Variants in RASAL3 observed in about 807,000 individuals in gnomAD.
The protein encoded by RASAL3 is RAS protein activator like 3.
RASAL3 carries 74 observed loss-of-function variants against 105.5 expected under a neutral mutation model. That is an observed-to-expected ratio of 0.70 (90% CI 0.58 to 0.85). The LOEUF is 0.85. Among genes scored for constraint, RASAL3 ranks in the 40% least tolerant of loss-of-function variants. RASAL3 has a pLI of 0.00. For missense variants in RASAL3, 1,352 were observed against 1,392.0 expected, an observed-to-expected ratio of 0.97 and a Z score of 0.46; for synonymous variants, 579 against 591.6, an observed-to-expected ratio of 0.98 and a Z score of 0.31.
chr19:15,454,581 G>C lies in RASAL3; in HGVS notation c.1959-19C>G. On this transcript the variant is annotated intron_variant, in intron 12 of 17. Coordinates refer to ENST00000343625, the MANE Select transcript of RASAL3 (RefSeq NM_022904.3). ...ACCGAACCTGGATCAGGGCCAGGCT[G>C]GGTGGGTCAGGTCAGGCACCTGCCA... is the stretch of plus-strand genomic sequence containing the variant. 1 of 1,613,580 alleles carries C rather than the reference G, an allele frequency of 6.2e-7. No individual in the cohort carries two copies. Among genetic ancestry groups the C allele is most frequent in the Non-Finnish European group, 8.5e-7 (1 of 1,179,604 alleles).
intron 11 of RASAL3, among the ~76,000 whole-genome samples, chr19:15,455,755 G>T (rs1002239760): frequency 6.6e-6 from 1 of 152,196 alleles, no homozygotes; most frequent in Non-Finnish European, 1.5e-5. Flanking sequence ...TGAATCCTGC[G>T]CTCAAGCGAT....
chr19:15,452,624 T>A, intron 16 of RASAL3, 34 bp downstream of exon 16: 1 of 1,400,662 alleles, frequency 7.1e-7, no homozygotes, highest in Non-Finnish European at 9.4e-7. Flanking sequence ...CGGGCCCACC[T>A]GGGGGCGGAG....
At position 15,453,425 on chromosome 19, in the gene RASAL3, C is replaced by G. The variant is rs774002840; in HGVS notation, c.2352G>C (p.Lys784Asn). ...DLPKHTPLIS[K>N]SQSLRSVRRS... ...GGCGAACGCTGCGCAGAGACTGGCT[C>G]TTGGAGATGAGAGGGGTGTGCTTGG... Residue 784 changes from lysine to asparagine, a missense_variant, in exon 15 of 18, where the codon AAG (lysine) becomes AAC (asparagine). Around this residue, in one of 3 missense-constraint regions of RASAL3, gnomAD observed 920 missense variants for 919.6 expected, o/e 1.00. Transcript: ENST00000343625. This position sits in a 1 kb window ranked among gnomAD's most constrained non-coding sequence, Gnocchi z 4.2. 1.6e-5 allele frequency: 24 copies of G among 1,532,800 alleles called. No individual in the cohort carries two copies. The highest frequency in any genetic ancestry group is 2.4e-5 in the Admixed American group (1 of 40,982). The allele number at this position is 1,532,800 out of a possible 1,614,324, so 94.9% of individuals were successfully genotyped here.
At position 15,464,069 on chromosome 19, in the gene RASAL3, G is replaced by T; in HGVS notation, c.290C>A (p.Pro97Gln). 2 of 1,588,720 alleles carry T rather than the reference G, an allele frequency of 1.3e-6. No individual in the cohort carries two copies. Among genetic ancestry groups the T allele is most frequent in the African/African-American group, 1.3e-5 (1 of 74,294 alleles). The change falls in exon 2 of 18, where the codon CCG becomes CAG. Residue 97 changes from proline (P) to glutamine (Q), a missense_variant. This residue lies in a region of RASAL3 where 344 missense variants were observed against 339.6 expected (regional missense o/e 1.01). Coordinates refer to ENST00000343625, the MANE Select transcript of RASAL3 (RefSeq NM_022904.3). ...CTCCGGCTCCGGGTCTGGCTCCGGC[G>T]GTGGGTTCTTATGCCTCCCCCAGAG... ...KALWGRHKNP[P>Q]PEPDPEPEQE...
intron 16 of RASAL3, 194 bp downstream of exon 16, chr19:15,452,464 C>T (rs2042607166): frequency 3.3e-6 from 2 of 607,860 alleles, no homozygotes; most frequent in Non-Finnish European, 5.8e-6. Context: ...GGGTCCTAGG[C>T]CGACCTTCGT....
intron 8 of RASAL3, 66 bp downstream of exon 8, chr19:15,458,262 G>C (rs910100845): frequency 2.0e-6 from 3 of 1,473,462 alleles, no homozygotes; most frequent in Non-Finnish European, 1.9e-6. Flanking sequence ...GCTTTGGGTA[G>C]AGTGGAAGGG....
Position 15,454,866 on chromosome 19 carries a change from C to T in RASAL3, c.1749G>A (p.Val583=). Residue 583 remains valine (V), a synonymous_variant, in exon 12 of 18, where the codon GTG becomes GTA. Transcript: ENST00000343625. ...TACATGCTTCTCGCCAGCTTGAGAACACGATGCCCAGCTCCGCAGGGAACC... is the reference window on the plus strand; with the variant it reads ...TACATGCTTCTCGCCAGCTTGAGAATACGATGCCCAGCTCCGCAGGGAACC... ...YDWFPAELGI[V]FSSWREACKE... 6.4e-7 allele frequency: 1 copy of T among 1,567,998 alleles called. No homozygotes were observed. Among genetic ancestry groups the T allele is most frequent in the Non-Finnish European group, 8.6e-7 (1 of 1,157,174 alleles).
chr19:15,459,435 G>C (rs1357107500), intron 6 of RASAL3, among the ~76,000 whole-genome samples: 1 of 151,192 alleles, frequency 6.6e-6, no homozygotes, highest in East Asian at 1.9e-4. Context: ...AGTAGAGATG[G>C]GATTTCACCA....
At chr19:15,455,942 T>C (rs1378478920) in intron 11 of RASAL3, among the ~76,000 whole-genome samples, 162 bp downstream of exon 11, 4 of 152,196 alleles carry the variant, frequency 2.6e-5, no homozygotes, top group Non-Finnish European at 4.4e-5. Context: ...TGAGTCACCA[T>C]GCCTGGTTCA....
In RASAL3 at chr19:15,461,064, A is replaced by G; in HGVS notation, c.602T>C (p.Val201Ala). 6.2e-7 allele frequency: 1 copy of G among 1,613,620 alleles called. No individual in the cohort carries two copies. The highest frequency in any genetic ancestry group is 8.5e-7 in the Non-Finnish European group (1 of 1,179,798). Residue 201 changes from valine (V) to alanine (A), a missense_variant, in exon 5 of 18, where the codon GTT becomes GCT. Transcript: ENST00000343625. Reference protein sequence around the residue: ...ETAGPNQVHNVRGLLKRLKEK... With the variant: ...ETAGPNQVHNARGLLKRLKEK... ...CACCTTCACTGGCTGCCTTACCCGAACGTTGTGGACCTGGTTGGGACCAGC... is the reference window on the plus strand; with the variant it reads ...CACCTTCACTGGCTGCCTTACCCGAGCGTTGTGGACCTGGTTGGGACCAGC...
chr19:15,457,281 C>T lies in RASAL3; in HGVS notation c.1431+11G>A. On this transcript the variant is annotated intron_variant, in intron 9 of 17. Coordinates refer to ENST00000343625, the MANE Select transcript of RASAL3 (RefSeq NM_022904.3). This position sits in a 1 kb window ranked among gnomAD's most constrained non-coding sequence, Gnocchi z 8.6. ...CTGGTAGCCCCGGTCCGCGCTGTCG[C>T]GGTGCCGCACCTGCGCCCGGCCGGT... 2 of 1,275,980 alleles carry T rather than the reference C, an allele frequency of 1.6e-6. No homozygotes were observed. The highest frequency in any genetic ancestry group is 2.0e-6 in the Non-Finnish European group (2 of 1,011,048). 79.0% of individuals were successfully genotyped at this position (1,275,980 alleles called of 1,614,324 possible).
In RASAL3 at chr19:15,452,026, G is replaced by A. The variant is rs374747700; in HGVS notation, c.2892+19C>T. 1.6e-4 allele frequency: 255 copies of A among 1,613,790 alleles called. 1 individual carries two copies. Among genetic ancestry groups the A allele is most frequent in the Middle Eastern group, 8.2e-4 (5 of 6,082 alleles). On this transcript the variant is annotated intron_variant, in intron 17 of 17. Coordinates refer to ENST00000343625, the MANE Select transcript of RASAL3 (RefSeq NM_022904.3). ...CTCCACCGCCCAGACCTGCCCCAGGGCTCAGATGGCAATCTCACCAGGTTT... is the reference window on the plus strand; with the variant it reads ...CTCCACCGCCCAGACCTGCCCCAGGACTCAGATGGCAATCTCACCAGGTTT...
rs953407183 is a variant in RASAL3 at position 15,452,579 on chromosome 19, G to GA, written c.2828+78_2828+79insT. The GA allele has an allele frequency of 1.0e-5, 12 of 1,172,988 alleles. No homozygotes were observed. The East Asian group carries it at 2.3e-4, about 22-fold the overall frequency. 72.7% of individuals were successfully genotyped at this position (1,172,988 alleles called of 1,614,324 possible). On this transcript the variant is annotated intron_variant, in intron 16 of 17. Coordinates refer to ENST00000343625, the MANE Select transcript of RASAL3 (RefSeq NM_022904.3). ...TTGGCCGTGCTAGGCGTGGTTTGGG[G>GA]GGGGGGGGGAGGGCCTGGTCAGATC...
Position 15,454,261 on chromosome 19 carries a change from G to T in RASAL3, c.2167C>A (p.Arg723=), listed in dbSNP as rs371914904. The stretch of plus-strand genomic sequence containing the variant: ...GTGGGCAGTGGTTCCAGGGTGTCTC[G>T]GGTTGTCTGGTGAGGCATGCAGGAC... ...TIFAELDQTT[R]DTLEPLPTIL... Residue 723 remains arginine (R), a synonymous_variant, in exon 14 of 18, where the codon CGA becomes AGA. Transcript: ENST00000343625. The T allele has an allele frequency of 3.2e-6, 5 of 1,564,144 alleles. No individual in the cohort carries two copies. Among genetic ancestry groups the T allele is most frequent in the Admixed American group, 1.9e-5 (1 of 51,958 alleles).
chr19:15,454,138 C>T lies in RASAL3; in HGVS notation c.2279+11G>A. On this transcript the variant is annotated intron_variant, in intron 14 of 17. Coordinates refer to ENST00000343625, the MANE Select transcript of RASAL3 (RefSeq NM_022904.3). ...CCCACCCATCAGACCCCAGACCAGA[C>T]TTGAGGTTACCTGGAGTGGACCTGG... 1 of 1,546,882 alleles carries T rather than the reference C, an allele frequency of 6.5e-7. No homozygotes were observed.
chr19:15,463,081 C>CTT (rs527514253), intron 2 of RASAL3, among the ~76,000 whole-genome samples: 6 of 143,946 alleles, frequency 4.2e-5, no homozygotes, highest in African/African-American at 1.3e-4. Context: ...TTTTTTCTTT[C>CTT]TTTTTTTTTT....
At position 15,454,412 on chromosome 19, in the gene RASAL3, C is replaced by G. The variant is rs762008634; in HGVS notation, c.2109G>C (p.Gln703His). The change falls in exon 13 of 18, where the codon CAG becomes CAC. Residue 703 changes from glutamine to histidine, a missense_variant. Gln to His is a conservative substitution (Grantham distance 24). Coordinates refer to ENST00000343625, the MANE Select transcript of RASAL3 (RefSeq NM_022904.3). ...AGAGCTGGGCATGCAGGACAGCTAA[C>G]TGGAGGGCCAGATCACCACTGCCCT... ...GYQGSGDLAL[Q>H]LAVLHAQLCT... 8 of 1,613,962 alleles carry G rather than the reference C, an allele frequency of 5.0e-6. No homozygotes were observed. The highest frequency in any genetic ancestry group is 3.3e-5 in the South Asian group (3 of 91,082).
In RASAL3 at chr19:15,453,005, C is replaced by A. The variant is rs1159092251; in HGVS notation, c.2670+102G>T. 1 of 1,539,608 alleles carries A rather than the reference C, an allele frequency of 6.5e-7. No homozygotes were observed. Among genetic ancestry groups the A allele is most frequent in the Non-Finnish European group, 8.8e-7 (1 of 1,138,290 alleles). ...GGGCTAGGCCTGGGGTCACACAGCACAGCGAGCTGGGTACTTGAACCCAGA... is the reference window on the plus strand; with the variant it reads ...GGGCTAGGCCTGGGGTCACACAGCAAAGCGAGCTGGGTACTTGAACCCAGA... On this transcript the variant is annotated intron_variant, in intron 15 of 17. Transcript: ENST00000343625. This position sits in a 1 kb window ranked among gnomAD's most constrained non-coding sequence, Gnocchi z 4.2.
At chr19:15,460,916 G>A (rs934114683) in intron 5 of RASAL3, 144 bp downstream of exon 5, 1 of 732,986 alleles carries the variant, frequency 1.4e-6, no homozygotes, top group African/African-American at 1.8e-5. Context: ...TATTTCATTA[G>A]CTTCATTTGA....
Sources: gnomAD v4.1 joint callset for allele counts (sites outside exome capture counted in the v4.1 genomes callset) on GRCh38, gnomAD v4.1.1 for gene constraint, gnomAD v4.1.1 regional missense constraint, Gnocchi (gnomAD v3.1) non-coding constraint, MANE v1.5 for transcripts, NCBI Gene and HGNC (gene_info 2026-07-23, HGNC 2026-07-21) for gene names.